Variants in RAB33A observed in about 807,000 individuals in gnomAD.
The protein encoded by RAB33A is RAB33A, member RAS oncogene family, also known as ras-related protein Rab-33A.
Under a neutral mutation model 12.0 loss-of-function variants are expected in RAB33A, and 6 were observed. The observed-to-expected ratio is 0.50, with a 90% CI of 0.27 to 0.99. RAB33A has a LOEUF of 0.99. Among genes scored for constraint, RAB33A ranks in the 50% least tolerant of loss-of-function variants. RAB33A has a pLI of 0.11. For synonymous variants in RAB33A, 70 were observed against 82.4 expected (o/e 0.85, Z 0.81); for missense variants, 109 against 192.0 (o/e 0.57, Z 2.55).
chrX:130,140,017 T>G, the RAB33A span: 1 of 539,078 alleles, frequency 1.9e-6, no homozygotes, highest in South Asian at 2.5e-5. Flanking sequence ...TTGTTTGCCT[T>G]CAGCTTGCCT....
the RAB33A span, chrX:130,136,283 T>TA: frequency 9.9e-7 from 1 of 1,014,103 alleles, no homozygotes; most frequent in African/African-American, 1.9e-5. Context: ...ATTGGGACTT[T>TA]AAAAAATCAT....
At chrX:130,128,053 C>A in the RAB33A span, among the ~76,000 whole-genome samples, 1 of 111,098 alleles carries the variant, frequency 9.0e-6, no homozygotes, top group Non-Finnish European at 1.9e-5. Flanking sequence ...TTTGAGTAAA[C>A]CTGTATCTAT....
At chrX:130,182,379 T>A (rs186370653) in intron 1 of RAB33A, among the ~76,000 whole-genome samples, 4 of 109,482 alleles carry the variant, frequency 3.7e-5, no homozygotes. Flanking sequence ...ACCATTAATG[T>A]TCTGATGTGT....
chrX:130,167,413 A>G (rs923239194), upstream of RAB33A, among the ~76,000 whole-genome samples: 8 of 112,792 alleles, frequency 7.1e-5, no homozygotes, highest in African/African-American at 2.3e-4. Context: ...AACCCAGCAC[A>G]TTTTCGGGGG....
the RAB33A span, among the ~76,000 whole-genome samples, chrX:130,151,557 C>T: frequency 8.9e-6 from 1 of 111,943 alleles, no homozygotes; most frequent in Admixed American, 9.5e-5. Flanking sequence ...AAGCATTTAA[C>T]GTTGTGACAA....
At chrX:130,165,155 C>T in the RAB33A span, among the ~76,000 whole-genome samples, 1 of 106,619 alleles carries the variant, frequency 9.4e-6, no homozygotes, top group Non-Finnish European at 1.9e-5. Flanking sequence ...CTCATTTACA[C>T]AAGAAACTTA....
chrX:130,181,101 C>G (rs754637118), intron 1 of RAB33A, among the ~76,000 whole-genome samples: 2 of 103,845 alleles, frequency 1.9e-5, no homozygotes, highest in Admixed American at 1.1e-4. Flanking sequence ...ATACTTTGCT[C>G]TAGTCCAGGA....
At chrX:130,137,886 A>G in the RAB33A span, 7 of 335,272 alleles carry the variant, frequency 2.1e-5, no homozygotes, top group Non-Finnish European at 2.8e-5. Flanking sequence ...AACATGGAGA[A>G]ACCCTGTCTC....
chrX:130,137,169 T>G, the RAB33A span: 1 of 1,209,698 alleles, frequency 8.3e-7, no homozygotes, highest in Admixed American at 2.2e-5. Context: ...GAATCACTTC[T>G]GTGCCCAAGG....
chrX:130,161,919 T>A, the RAB33A span, among the ~76,000 whole-genome samples: 5 of 112,356 alleles, frequency 4.5e-5, no homozygotes, highest in East Asian at 2.8e-4. Flanking sequence ...CAGCCTTTTT[T>A]AATTTTTTAA....
the RAB33A span, among the ~76,000 whole-genome samples, chrX:130,112,589 G>T: frequency 8.9e-6 from 1 of 112,155 alleles, no homozygotes; most frequent in East Asian, 2.8e-4. Flanking sequence ...AAACTAGGCT[G>T]GGTGTGGTGA....
the RAB33A span, among the ~76,000 whole-genome samples, chrX:130,151,992 T>C: frequency 9.1e-6 from 1 of 109,823 alleles, no homozygotes; most frequent in Non-Finnish European, 1.9e-5. Flanking sequence ...TGAGCCGAGA[T>C]TGCACCACTG....
At chrX:130,144,451 T>C in the RAB33A span, among the ~76,000 whole-genome samples, 5 of 112,351 alleles carry the variant, frequency 4.5e-5, no homozygotes, top group African/African-American at 1.6e-4. Context: ...TGTACCTAAC[T>C]GCTCTATCAG....
chrX:130,131,586 C>T, the RAB33A span: 2 of 1,141,673 alleles, frequency 1.8e-6, no homozygotes, highest in African/African-American at 1.8e-5. Context: ...CTGACAAGCC[C>T]CTCTGGCCAA....
At chrX:130,165,173 G>A in the RAB33A span, among the ~76,000 whole-genome samples, 4 of 103,152 alleles carry the variant, frequency 3.9e-5, no homozygotes, top group Non-Finnish European at 5.8e-5. Flanking sequence ...TTAGGCGTAG[G>A]GCTTAAACGT....
the RAB33A span, chrX:130,133,221 G>A: frequency 9.0e-7 from 1 of 1,112,608 alleles, no homozygotes; most frequent in Non-Finnish European, 1.2e-6. Flanking sequence ...GAAGCTAACT[G>A]GCTCATAATA....
At chrX:130,138,608 C>T in the RAB33A span, 86 of 1,206,138 alleles carry the variant, frequency 7.1e-5, no homozygotes, top group Non-Finnish European at 9.5e-5. Flanking sequence ...CTGCCAAGAG[C>T]ACAGGCCAGT....
chrX:130,169,447 C>T (rs1393965305), upstream of RAB33A, among the ~76,000 whole-genome samples: 5 of 111,498 alleles, frequency 4.5e-5, no homozygotes, highest in East Asian at 2.8e-4. Flanking sequence ...TTTAATAATG[C>T]ACAATTAACA....
chrX:130,148,642 T>C, the RAB33A span, among the ~76,000 whole-genome samples: 1 of 109,321 alleles, frequency 9.1e-6, no homozygotes, highest in Admixed American at 9.8e-5. Flanking sequence ...GAGACCAGCC[T>C]GGCCAACATG....
Sources: allele counts gnomAD v4.1 joint callset (sites outside exome capture counted in the v4.1 genomes callset), GRCh38; gene constraint gnomAD v4.1.1; transcripts MANE v1.5; gene names NCBI Gene and HGNC (gene_info 2026-07-23, HGNC 2026-07-21).